The following TLL1 variants were observed in gnomAD, a reference collection of about 807,000 sequenced individuals.
TLL1 encodes the protein tolloid-like protein 1.
In TLL1, 49 loss-of-function variants were observed where a neutral mutation model predicts 128.2. The ratio of observed to expected loss-of-function variants is 0.38; its 90% confidence interval spans 0.30 to 0.48. The LOEUF is 0.48. Ranked by LOEUF, TLL1 falls within the 20% of genes least tolerant of loss-of-function variation. The pLI is 0.96. For synonymous variants in TLL1, 454 were observed against 418.8 expected, an observed-to-expected ratio of 1.08 and a Z score of -1.03; for missense variants, 1,123 against 1,242.0, an observed-to-expected ratio of 0.90 and a Z score of 1.44.
rs1462067352 is a variant in TLL1, at chr4:166,100,950, T to C, written c.*74T>C. 9 of 1,553,378 alleles carry C rather than the reference T, an allele frequency of 5.8e-6. No individual in the cohort carries two copies. Among genetic ancestry groups the C allele is most frequent in the African/African-American group, 1.4e-5 (1 of 72,836 alleles). On this transcript the variant is annotated 3_prime_UTR_variant, in exon 21 of 21. Coordinates refer to ENST00000061240, the MANE Select transcript of TLL1 (RefSeq NM_012464.5). ...GACATATTTTTTTTAAAACTGAAGA[T>C]ATTGGCACAAATGTTTTATACAAAG...
intron 1 of TLL1, among the ~76,000 whole-genome samples, chr4:165,888,441 G>T (rs1320737988): frequency 6.6e-6 from 1 of 151,938 alleles, no homozygotes; most frequent in African/African-American, 2.4e-5. Context: ...TACATCTCTG[G>T]ATGCAGTTTA....
intron 18 of TLL1, among the ~76,000 whole-genome samples, chr4:166,079,456 C>T (rs1242627984): frequency 1.3e-5 from 2 of 151,970 alleles, no homozygotes; most frequent in East Asian, 1.9e-4. Flanking sequence ...TTGAATGATT[C>T]CATTTTTTTT....
chr4:166,076,817 T>C (rs889180863), intron 17 of TLL1, among the ~76,000 whole-genome samples: 1 of 152,176 alleles, frequency 6.6e-6, no homozygotes, highest in African/African-American at 2.4e-5. Context: ...CCTTCCACTT[T>C]ATTGTAATCT....
At chr4:165,998,801 A>G in intron 5 of TLL1, among the ~76,000 whole-genome samples, 1 of 151,946 alleles carries the variant, frequency 6.6e-6, no homozygotes, top group Admixed American at 6.6e-5. Flanking sequence ...TGTCTTCAAA[A>G]AAAAAAAAAG....
rs1178932926 is a variant in TLL1 at position 166,104,417 on chromosome 4, G to T, written c.*3541G>T. ...TGATACCACTTGTTAAATCAGGCATGGGAGGAGGAGAGCAGAAAATATAAT... is the reference window on the plus strand; with the variant it reads ...TGATACCACTTGTTAAATCAGGCATTGGAGGAGGAGAGCAGAAAATATAAT... On this transcript the variant is annotated 3_prime_UTR_variant, in exon 21 of 21. Coordinates refer to ENST00000061240, the MANE Select transcript of TLL1 (RefSeq NM_012464.5). Among the ~76,000 whole-genome samples, 1 of 151,830 alleles carries T rather than the reference G, an allele frequency of 6.6e-6. No individual in the cohort carries two copies. Among genetic ancestry groups the T allele is most frequent in the Non-Finnish European group, 1.5e-5 (1 of 67,886 alleles).
At chr4:166,033,729 G>A (rs997772230) in intron 9 of TLL1, among the ~76,000 whole-genome samples, 2 of 152,134 alleles carry the variant, frequency 1.3e-5, no homozygotes, top group Non-Finnish European at 2.9e-5. Flanking sequence ...AGTACAGAGG[G>A]ATTTCTGTTC....
intron 1 of TLL1, among the ~76,000 whole-genome samples, chr4:165,915,884 C>A (rs550588761): frequency 6.6e-6 from 1 of 152,040 alleles, no homozygotes; most frequent in African/African-American, 2.4e-5. Flanking sequence ...AGAGCTTGGC[C>A]CTAGTATAGA....
chr4:166,071,876 G>T (rs181702807), intron 16 of TLL1, among the ~76,000 whole-genome samples: 48 of 151,940 alleles, frequency 3.2e-4, no homozygotes, highest in African/African-American at 9.9e-4. Context: ...ATTAACTCCC[G>T]TTCAAACAAG....
At chr4:166,017,422 G>T (rs141725922) in intron 8 of TLL1, among the ~76,000 whole-genome samples, 5,626 of 151,906 alleles carry the variant, frequency 0.037, 125 homozygotes, top group Middle Eastern at 0.058. Context: ...TCTTTTCGGT[G>T]GTACGATTTA....
In TLL1 at chr4:166,032,659, A is replaced by T. The variant is rs146748235; in HGVS notation, c.1159-6680A>T. 3.1e-4 allele frequency among the ~76,000 whole-genome samples: 47 copies of T among 152,288 alleles called. 1 individual carries two copies. In the East Asian group the frequency reaches 7.7e-3, roughly 25 times the overall value. The stretch of plus-strand genomic sequence containing the variant: ...GAAAAAATTAAACAAGTTCTACTTC[A>T]TATTGCATAGTTTTCTAAAGAAAAC... On this transcript the variant is annotated intron_variant, in intron 9 of 20. Coordinates refer to ENST00000061240, the MANE Select transcript of TLL1 (RefSeq NM_012464.5).
At chr4:166,074,840 A>G in intron 16 of TLL1, 38 bp from the exon 17 acceptor site, 1 of 1,610,826 alleles carries the variant, frequency 6.2e-7, no homozygotes, top group Non-Finnish European at 8.5e-7. Context: ...CTGTTTTTAA[A>G]GTTACTTACT....
intron 1 of TLL1, among the ~76,000 whole-genome samples, chr4:165,957,201 T>A (rs752592304): frequency 2.6e-5 from 4 of 152,104 alleles, no homozygotes; most frequent in Admixed American, 6.6e-5. Flanking sequence ...CAGGGGTTGT[T>A]GTTCTTACAT....
chr4:166,051,593 CG>C (rs1739741233), intron 12 of TLL1, among the ~76,000 whole-genome samples: 1 of 152,008 alleles, frequency 6.6e-6, no homozygotes, highest in Non-Finnish European at 1.5e-5. Flanking sequence ...TGTTATCACT[CG>C]TGTTGATGTA....
intron 1 of TLL1, among the ~76,000 whole-genome samples, chr4:165,906,891 A>T (rs2110863720): frequency 6.6e-6 from 1 of 151,640 alleles, no homozygotes; most frequent in East Asian, 1.9e-4. Context: ...AGGAATCAGA[A>T]TCATTTCCAA....
rs58645981 is a variant in TLL1, at chr4:165,926,589, T to C, written c.169+52516T>C. 3.3e-3 allele frequency among the ~76,000 whole-genome samples: 499 copies of C among 152,272 alleles called. 4 individuals are homozygous for C. The highest frequency in any genetic ancestry group is 0.012 in the African/African-American group (485 of 41,554). On this transcript the variant is annotated intron_variant, in intron 1 of 20. Coordinates refer to ENST00000061240, the MANE Select transcript of TLL1 (RefSeq NM_012464.5). ...GTCTTAAGTACATTTTGGGTCTAAT[T>C]TGCACAATCTGGTGATAGAATCACT...
intron 9 of TLL1, among the ~76,000 whole-genome samples, chr4:166,027,306 A>T (rs1339378726): frequency 1.3e-5 from 2 of 152,018 alleles, no homozygotes; most frequent in Non-Finnish European, 2.9e-5. Context: ...TTTGTCTTTG[A>T]TTCTTATTTA....
intron 1 of TLL1, among the ~76,000 whole-genome samples, chr4:165,966,177 CAAAAAA>C (rs35017995): frequency 6.0e-5 from 7 of 116,198 alleles, no homozygotes; most frequent in Admixed American, 1.8e-4. Flanking sequence ...GACTCCATCT[CAAAAAA>C]AAAAAAAAAA....
chr4:165,885,618 G>C (rs1489112605), intron 1 of TLL1, among the ~76,000 whole-genome samples: 1 of 151,982 alleles, frequency 6.6e-6, no homozygotes, highest in African/African-American at 2.4e-5. Context: ...AACTACCAAA[G>C]AGTAGCAAGG....
chr4:165,993,777 G>A (rs763700867), intron 3 of TLL1, among the ~76,000 whole-genome samples: 14 of 152,086 alleles, frequency 9.2e-5, no homozygotes, highest in Non-Finnish European at 2.1e-4. Context: ...CATTTTGTTC[G>A]TGTTGTGTAC....
Sources: gnomAD v4.1 joint callset for allele counts (sites outside exome capture counted in the v4.1 genomes callset) on GRCh38, gnomAD v4.1.1 for gene constraint, MANE v1.5 for transcripts, NCBI Gene and HGNC (gene_info 2026-07-23, HGNC 2026-07-21) for gene names.